Variants in DCPS observed in about 807,000 individuals in gnomAD.
DCPS encodes the protein m7GpppX diphosphatase.
DCPS carries 27 observed loss-of-function variants against 34.7 expected under a neutral mutation model. That is an observed-to-expected ratio of 0.78 (90% CI 0.57 to 1.07). The LOEUF is 1.07. Ranked by LOEUF, DCPS falls within the 50% of genes least tolerant of loss-of-function variation. The pLI is 0.00. For synonymous variants in DCPS, 185 were observed against 185.7 expected, an observed-to-expected ratio of 1.00 and a Z score of 0.03; for missense variants, 464 against 436.9, an observed-to-expected ratio of 1.06 and a Z score of -0.55.
At chr11:126,316,646 A>ATTTTTTTTTTTTTTT (rs35658526) in intron 2 of DCPS, among the ~76,000 whole-genome samples, 1 of 146,192 alleles carries the variant, frequency 6.8e-6, no homozygotes, top group African/African-American at 2.5e-5. Context: ...GCTGAAGTAC[A>ATTTTTTTTTTTTTTT]TTTTTTTTTT....
rs1951883484 is a variant in DCPS at position 126,342,556 on chromosome 11, TC to T, written c.637-750del. Among the ~76,000 whole-genome samples, 1 of 152,182 alleles carries T rather than the reference TC, an allele frequency of 6.6e-6. No homozygotes were observed. Among genetic ancestry groups the T allele is most frequent in the Non-Finnish European group, 1.5e-5 (1 of 68,034 alleles). ...CTACCTGAATACCCTTTCTCCAAAT[TC>T]TACCTTTTTTCTAGACCTGATCCTC... On this transcript the variant is annotated intron_variant, in intron 4 of 5. Coordinates refer to ENST00000263579, the MANE Select transcript of DCPS (RefSeq NM_014026.6). The surrounding 1 kb of genome is among the most constrained non-coding windows in gnomAD (Gnocchi z 4.4).
Position 126,328,274 on chromosome 11 carries a change from G to T in DCPS, c.377-3131G>T, listed in dbSNP as rs1187068982. ...GAAGCGCGGGAGCTGTGGAGCAGGGGACAGTTTGAGGGTGGCAGCTCCCAC... is the reference window on the plus strand; with the variant it reads ...GAAGCGCGGGAGCTGTGGAGCAGGGTACAGTTTGAGGGTGGCAGCTCCCAC... On this transcript the variant is annotated intron_variant, in intron 2 of 5. Coordinates refer to ENST00000263579, the MANE Select transcript of DCPS (RefSeq NM_014026.6). This position sits in a 1 kb window ranked among gnomAD's most constrained non-coding sequence, Gnocchi z 6.6. Among the ~76,000 whole-genome samples, 1 of 152,154 alleles carries T rather than the reference G, an allele frequency of 6.6e-6. No individual in the cohort carries two copies. The highest frequency in any genetic ancestry group is 6.5e-5 in the Admixed American group (1 of 15,276).
At position 126,329,916 on chromosome 11, in the gene DCPS, G is replaced by A. The variant is rs561162202; in HGVS notation, c.377-1489G>A. ...CGGGTTTCCCTGGGAGAGCCTATCC[G>A]AACCCAGATTAAGAAAGTCAGAGGG... On this transcript the variant is annotated intron_variant, in intron 2 of 5. Transcript: ENST00000263579. The surrounding 1 kb of genome is among the most constrained non-coding windows in gnomAD (Gnocchi z 5.0). 4.6e-5 allele frequency among the ~76,000 whole-genome samples: 7 copies of A among 152,234 alleles called. No homozygotes were observed. The highest frequency in any genetic ancestry group is 1.9e-4 in the East Asian group (1 of 5,178).
chr11:126,349,835 C>A lies in DCPS; in HGVS notation c.*4222C>A, dbSNP rs989197665. 1.3e-5 allele frequency among the ~76,000 whole-genome samples: 2 copies of A among 152,086 alleles called. No individual in the cohort carries two copies. Among genetic ancestry groups the A allele is most frequent in the South Asian group, 4.1e-4 (2 of 4,824 alleles). On this transcript the variant is annotated 3_prime_UTR_variant, in exon 6 of 6. Coordinates refer to ENST00000263579, the MANE Select transcript of DCPS (RefSeq NM_014026.6). The surrounding 1 kb of genome is among the most constrained non-coding windows in gnomAD (Gnocchi z 5.4). ...CTTAGCAAAATAAATGTTGGCAACC[C>A]TAAGTTTGTTCTATTATAATATTAT...
intron 4 of DCPS, among the ~76,000 whole-genome samples, chr11:126,343,087 A>G (rs1417559970): frequency 7.6e-6 from 1 of 131,468 alleles, no homozygotes; most frequent in African/African-American, 3.0e-5. Flanking sequence ...AAAAAAAAAA[A>G]GGACTCTCAC....
chr11:126,346,555 G>A lies in DCPS; in HGVS notation c.*942G>A, dbSNP rs950901765. Among the ~76,000 whole-genome samples, 1 of 152,208 alleles carries A rather than the reference G, an allele frequency of 6.6e-6. No homozygotes were observed. The highest frequency in any genetic ancestry group is 2.4e-5 in the African/African-American group (1 of 41,452). ...ATGGCTTGTATGGGCGGGCACACAA[G>A]TAAACACACAGGCTCTCTCCAGCAC... On this transcript the variant is annotated 3_prime_UTR_variant, in exon 6 of 6. Transcript: ENST00000263579. This position sits in a 1 kb window ranked among gnomAD's most constrained non-coding sequence, Gnocchi z 4.1.
chr11:126,304,367 G>T, intron 1 of DCPS, 86 bp downstream of exon 1: 6 of 1,497,650 alleles, frequency 4.0e-6, no homozygotes, highest in Non-Finnish European at 5.5e-6. Flanking sequence ...TTCGGATCTC[G>T]GCTGGAAAAT....
chr11:126,304,397 G>A, intron 1 of DCPS, 116 bp downstream of exon 1: 1 of 1,203,488 alleles, frequency 8.3e-7, no homozygotes, highest in Non-Finnish European at 1.2e-6. Flanking sequence ...TATCACTCCG[G>A]GGAGGCGGGA....
chr11:126,316,322 G>A (rs550943714), intron 2 of DCPS, among the ~76,000 whole-genome samples: 2 of 150,414 alleles, frequency 1.3e-5, no homozygotes, highest in Admixed American at 6.6e-5. Flanking sequence ...GATTTTTTCC[G>A]TGATTTCTTT....
In DCPS at chr11:126,312,711, C is replaced by T. The variant is rs972965437; in HGVS notation, c.376+5967C>T. ...CATGGCCACTGTCCTGGATTAGGAC[C>T]CATTAAGAGAAGGTGTATAGAGCAC... On this transcript the variant is annotated intron_variant, in intron 2 of 5. Transcript: ENST00000263579. This position sits in a 1 kb window ranked among gnomAD's most constrained non-coding sequence, Gnocchi z 5.1. 6.6e-6 allele frequency among the ~76,000 whole-genome samples: 1 copy of T among 152,028 alleles called. No individual in the cohort carries two copies. The highest frequency in any genetic ancestry group is 2.4e-5 in the African/African-American group (1 of 41,382).
chr11:126,316,296 CT>C (rs1382517788), intron 2 of DCPS, among the ~76,000 whole-genome samples: 1 of 151,644 alleles, frequency 6.6e-6, no homozygotes, highest in African/African-American at 2.4e-5. Context: ...AATGTATAAA[CT>C]TTCTTAAAAC....
In DCPS at chr11:126,335,320, G is replaced by T; in HGVS notation, c.523-2966G>T. 6.6e-6 allele frequency among the ~76,000 whole-genome samples: 1 copy of T among 152,264 alleles called. No homozygotes were observed. Among genetic ancestry groups the T allele is most frequent in the East Asian group, 1.9e-4 (1 of 5,204 alleles). On this transcript the variant is annotated intron_variant, in intron 3 of 5. Coordinates refer to ENST00000263579, the MANE Select transcript of DCPS (RefSeq NM_014026.6). The surrounding 1 kb of genome is among the most constrained non-coding windows in gnomAD (Gnocchi z 4.8). Reference sequence around the variant, plus strand: ...CCAGCCAGGTGAGTTGCAGAAAGCTGATGGCATCACCCTCTGCCCAGTTTA... The same window carrying T: ...CCAGCCAGGTGAGTTGCAGAAAGCTTATGGCATCACCCTCTGCCCAGTTTA...
rs1951855334 is a variant in DCPS, at chr11:126,338,866, G to C, written c.636+467G>C. Among the ~76,000 whole-genome samples, 1 of 152,202 alleles carries C rather than the reference G, an allele frequency of 6.6e-6. No individual in the cohort carries two copies. Among genetic ancestry groups the C allele is most frequent in the Non-Finnish European group, 1.5e-5 (1 of 68,038 alleles). The stretch of plus-strand genomic sequence containing the variant: ...CCTCCTCAGCCCGAGCTGTGGAGTA[G>C]CTTAGCCCAGACTTCTACTCAGGCC... On this transcript the variant is annotated intron_variant, in intron 4 of 5. Transcript: ENST00000263579. The surrounding 1 kb of genome is among the most constrained non-coding windows in gnomAD (Gnocchi z 5.4).
chr11:126,330,158 CTG>C (rs1235994918), intron 2 of DCPS, among the ~76,000 whole-genome samples: 1 of 152,064 alleles, frequency 6.6e-6, no homozygotes. Flanking sequence ...TAGTTTAAAA[CTG>C]TGCTTCTCAC....
In DCPS at chr11:126,323,378, G is replaced by A. The variant is rs1336258119; in HGVS notation, c.377-8027G>A. Among the ~76,000 whole-genome samples the A allele has an allele frequency of 1.3e-5, 2 of 152,022 alleles. No individual in the cohort carries two copies. Among genetic ancestry groups the A allele is most frequent in the Non-Finnish European group, 2.9e-5 (2 of 68,008 alleles). On this transcript the variant is annotated intron_variant, in intron 2 of 5. Coordinates refer to ENST00000263579, the MANE Select transcript of DCPS (RefSeq NM_014026.6). This position sits in a 1 kb window ranked among gnomAD's most constrained non-coding sequence, Gnocchi z 4.4. ...TAGAAAGTTCAGCTTTAGAAACATT[G>A]TGTTTATTTCCATTGTAATATTATA... is the stretch of plus-strand genomic sequence containing the variant.
chr11:126,338,274 CCCT>C lies in DCPS; in HGVS notation c.523-8_523-6del. On this transcript the variant is annotated splice_polypyrimidine_tract_variant and intron_variant, in intron 3 of 5. Coordinates refer to ENST00000263579, the MANE Select transcript of DCPS (RefSeq NM_014026.6). The surrounding 1 kb of genome is among the most constrained non-coding windows in gnomAD (Gnocchi z 5.4). ...GTGGATTTGTGAACCATCTCTCTCC[CCCT>C]CCTTTCAGTGGGTGTATAACATTCT... is the stretch of plus-strand genomic sequence containing the variant. The C allele has an allele frequency of 6.2e-7, 1 of 1,613,344 alleles. No individual in the cohort carries two copies. The highest frequency in any genetic ancestry group is 8.5e-7 in the Non-Finnish European group (1 of 1,179,296).
At chr11:126,324,954 G>A (rs1479564272) in intron 2 of DCPS, among the ~76,000 whole-genome samples, 3 of 152,120 alleles carry the variant, frequency 2.0e-5, no homozygotes, top group South Asian at 2.1e-4. Context: ...AGGCCGAAGC[G>A]GGTGGATCAC....
rs922294748 is a variant in DCPS at position 126,335,140 on chromosome 11, G to A, written c.523-3146G>A. ...GGCAGAGCTAAGACACCTGGGAGAC[G>A]TGGCCAGGCCACACATGGCTGGAGG... On this transcript the variant is annotated intron_variant, in intron 3 of 5. Transcript: ENST00000263579. This position sits in a 1 kb window ranked among gnomAD's most constrained non-coding sequence, Gnocchi z 4.8. 3.3e-5 allele frequency among the ~76,000 whole-genome samples: 5 copies of A among 152,258 alleles called. No homozygotes were observed. Among genetic ancestry groups the A allele is most frequent in the Non-Finnish European group, 7.3e-5 (5 of 68,048 alleles).
Position 126,328,549 on chromosome 11 carries a change from A to AC in DCPS, c.377-2853dup, listed in dbSNP as rs1951757425. On this transcript the variant is annotated intron_variant, in intron 2 of 5. Transcript: ENST00000263579. The surrounding 1 kb of genome is among the most constrained non-coding windows in gnomAD (Gnocchi z 6.6). ...CTGGGTGAGACGCCAGTTTCCCTGCACCCTGGGTGGCTGGGGCAGGTCTCC... is the reference window on the plus strand; with the variant it reads ...CTGGGTGAGACGCCAGTTTCCCTGCACCCCTGGGTGGCTGGGGCAGGTCTCC... Among the ~76,000 whole-genome samples, 1 of 151,990 alleles carries AC rather than the reference A, an allele frequency of 6.6e-6. No homozygotes were observed. Among genetic ancestry groups the AC allele is most frequent in the Admixed American group, 6.6e-5 (1 of 15,264 alleles).
Sources: allele counts gnomAD v4.1 joint callset (sites outside exome capture counted in the v4.1 genomes callset), GRCh38; gene constraint gnomAD v4.1.1; non-coding constraint Gnocchi (gnomAD v3.1); transcripts MANE v1.5; gene names NCBI Gene and HGNC (gene_info 2026-07-23, HGNC 2026-07-21).